PTPRD: variants seen among roughly 807,000 people sequenced by gnomAD.
PTPRD encodes the protein receptor-type tyrosine-protein phosphatase delta.
A neutral mutation model predicts 214.5 loss-of-function variants in PTPRD; 34 were observed. The observed-to-expected ratio is 0.16, with a 90% CI of 0.12 to 0.21. The LOEUF (loss-of-function observed/expected upper bound fraction) is 0.21, where lower values mean the gene tolerates loss of function less well. Among genes scored for constraint, PTPRD ranks in the 10% least tolerant of loss-of-function variants. The pLI is 1.00. For synonymous variants in PTPRD, 1,128 were observed against 845.7 expected, an observed-to-expected ratio of 1.33 and a Z score of -5.79; for missense variants, 2,545 against 2,398.7, an observed-to-expected ratio of 1.06 and a Z score of -1.27.
At chr9:9,196,537 T>C (rs556758926) in intron 9 of PTPRD, among the ~76,000 whole-genome samples, 1 of 152,196 alleles carries the variant, frequency 6.6e-6, no homozygotes, top group Non-Finnish European at 1.5e-5. Flanking sequence ...AGGATTCTAA[T>C]CCCATCCCTA....
chr9:8,881,019 G>A (rs1002463468), intron 11 of PTPRD, among the ~76,000 whole-genome samples: 12 of 152,008 alleles, frequency 7.9e-5, no homozygotes, highest in African/African-American at 1.7e-4. Context: ...CACCCACCTC[G>A]GCCTCCCAAA....
At chr9:9,512,505 A>C (rs769624105) in intron 8 of PTPRD, among the ~76,000 whole-genome samples, 1 of 151,866 alleles carries the variant, frequency 6.6e-6, no homozygotes, top group South Asian at 2.1e-4. Flanking sequence ...CTTACAGAGA[A>C]TATGTAAGGC....
At chr9:10,127,906 T>C (rs1212287942) in intron 3 of PTPRD, among the ~76,000 whole-genome samples, 1 of 152,128 alleles carries the variant, frequency 6.6e-6, no homozygotes, top group Non-Finnish European at 1.5e-5. Context: ...CAGTGGGGTA[T>C]ATAGGGTGTG....
intron 4 of PTPRD, among the ~76,000 whole-genome samples, chr9:9,989,477 G>A (rs1370431851): frequency 6.6e-6 from 1 of 152,158 alleles, no homozygotes; most frequent in Admixed American, 6.5e-5. Flanking sequence ...CTTGATGGCA[G>A]GACTTTGGAG....
At chr9:10,438,536 C>T (rs1275741243) in intron 2 of PTPRD, among the ~76,000 whole-genome samples, 2 of 151,394 alleles carry the variant, frequency 1.3e-5, no homozygotes, top group African/African-American at 2.4e-5. Flanking sequence ...TTTTTGTTTC[C>T]GCCACTCCCA....
chr9:10,135,637 C>G (rs192192600), intron 3 of PTPRD, among the ~76,000 whole-genome samples: 2 of 151,990 alleles, frequency 1.3e-5, no homozygotes, highest in Non-Finnish European at 2.9e-5. Flanking sequence ...CTAAGTTCCA[C>G]AAGTGAAGAA....
At chr9:9,078,448 T>G (rs2154418262) in intron 10 of PTPRD, among the ~76,000 whole-genome samples, 1 of 152,214 alleles carries the variant, frequency 6.6e-6, no homozygotes, top group South Asian at 2.1e-4. Context: ...TGAGGCATGC[T>G]GTGGCTTCGA....
intron 2 of PTPRD, among the ~76,000 whole-genome samples, chr9:10,436,162 C>A (rs960269992): frequency 9.2e-5 from 14 of 151,644 alleles, no homozygotes; most frequent in African/African-American, 3.4e-4. Context: ...GATAATATGT[C>A]AAAAATACTA....
At chr9:10,561,065 T>G (rs567218667) in intron 2 of PTPRD, among the ~76,000 whole-genome samples, 1 of 152,268 alleles carries the variant, frequency 6.6e-6, no homozygotes, top group South Asian at 2.1e-4. Flanking sequence ...AAATACTAAT[T>G]CCATGAATAT....
At chr9:8,702,764 C>T (rs1267718986) in intron 12 of PTPRD, among the ~76,000 whole-genome samples, 4 of 152,184 alleles carry the variant, frequency 2.6e-5, no homozygotes, top group African/African-American at 9.6e-5. Context: ...CCCGCCACTA[C>T]GCCCAGCGAA....
chr9:10,338,627 G>GA (rs1386529773), intron 3 of PTPRD, among the ~76,000 whole-genome samples: 2 of 151,616 alleles, frequency 1.3e-5, no homozygotes, highest in Admixed American at 6.6e-5. Flanking sequence ...CTGGCTAAAG[G>GA]AAATGTCAAA....
At chr9:9,320,671 AG>A (rs1966044456) in intron 9 of PTPRD, among the ~76,000 whole-genome samples, 1 of 152,180 alleles carries the variant, frequency 6.6e-6, no homozygotes, top group South Asian at 2.1e-4. Flanking sequence ...GTCATAAGAC[AG>A]CAAAACCATA....
In PTPRD at chr9:9,678,016, T is replaced by C. The variant is rs552930408; in HGVS notation, c.-287+56517A>G. ...ACCTAGGAATTCAACTTACAAGGGA[T>C]GTGAAGGACCTCTTCAAGGAGAACT... On this transcript the variant is annotated intron_variant, in intron 7 of 45. Transcript: ENST00000381196. Among the ~76,000 whole-genome samples, 765 of 152,174 alleles carry C rather than the reference T, an allele frequency of 5.0e-3. 9 individuals carry two copies. Among genetic ancestry groups the C allele is most frequent in the Non-Finnish European group, 6.6e-3 (447 of 67,990 alleles).
intron 11 of PTPRD, among the ~76,000 whole-genome samples, chr9:8,780,619 C>A (rs1274394927): frequency 6.6e-6 from 1 of 152,170 alleles, no homozygotes; most frequent in Non-Finnish European, 1.5e-5. Context: ...AACCCCAGAG[C>A]CAGGCTCTCA....
At chr9:10,386,297 C>T (rs1472859173) in intron 2 of PTPRD, among the ~76,000 whole-genome samples, 3 of 151,906 alleles carry the variant, frequency 2.0e-5, no homozygotes, top group African/African-American at 7.2e-5. Flanking sequence ...ATTTCCCCTC[C>T]TTTCCACATT....
rs2060140217 is a variant in PTPRD, at chr9:9,849,464, G to T, written c.-367-82613C>A. ...TGGCTAAATGAGAACAGAAAGTCAA[G>T]ATATTACTATATTCTTAAATTTATA... is the stretch of plus-strand genomic sequence containing the variant. On this transcript the variant is annotated intron_variant, in intron 5 of 45. Transcript: ENST00000381196. Among the ~76,000 whole-genome samples, 3 of 152,192 alleles carry T rather than the reference G, an allele frequency of 2.0e-5. No individual in the cohort carries two copies. The South Asian group carries it at 6.2e-4, about 32-fold the overall frequency.
At chr9:8,318,455 T>TATGTG (rs1823746663) in intron 45 of PTPRD, among the ~76,000 whole-genome samples, 1 of 152,052 alleles carries the variant, frequency 6.6e-6, no homozygotes, top group Non-Finnish European at 1.5e-5. Context: ...AAAATTATGT[T>TATGTG]TGGACAGTAG....
At chr9:8,848,063 T>C (rs2097734523) in intron 11 of PTPRD, among the ~76,000 whole-genome samples, 2 of 152,038 alleles carry the variant, frequency 1.3e-5, no homozygotes, top group South Asian at 4.2e-4. Flanking sequence ...CTATTCTTGG[T>C]GGAAATATTT....
chr9:8,452,128 T>C (rs2095982714), intron 33 of PTPRD, among the ~76,000 whole-genome samples: 1 of 152,214 alleles, frequency 6.6e-6, no homozygotes, highest in African/African-American at 2.4e-5. Context: ...GTAGTGACAT[T>C]TAATAACTAA....
Sources: gnomAD v4.1 joint callset for allele counts (sites outside exome capture counted in the v4.1 genomes callset) on GRCh38, gnomAD v4.1.1 for gene constraint, MANE v1.5 for transcripts, NCBI Gene and HGNC (gene_info 2026-07-23, HGNC 2026-07-21) for gene names.